The following LPAR1 variants were observed in gnomAD, a reference collection of about 807,000 sequenced individuals.
The protein encoded by LPAR1 is LPA receptor 1.
LPAR1 carries 5 observed loss-of-function variants against 23.8 expected under a neutral mutation model. The ratio of observed to expected loss-of-function variants is 0.21; its 90% CI spans 0.11 to 0.44. The LOEUF is 0.44. Among genes scored for constraint, LPAR1 ranks in the 20% least tolerant of loss-of-function variants. The probability of loss-of-function intolerance (pLI) is 0.99; values close to 1 mark genes in which losing one functional copy is unlikely to be tolerated. For synonymous variants in LPAR1, 160 were observed against 164.7 expected, an observed-to-expected ratio of 0.97 and a Z score of 0.22; for missense variants, 311 against 482.8, an observed-to-expected ratio of 0.64 and a Z score of 3.33.
chr9:110,923,633 C>T (rs1039550313), intron 5 of LPAR1, among the ~76,000 whole-genome samples: 7 of 152,200 alleles, frequency 4.6e-5, no homozygotes, highest in Admixed American at 2.6e-4. Context: ...GTAACCCCAC[C>T]GCTAAGTCAG....
intron 4 of LPAR1, among the ~76,000 whole-genome samples, chr9:110,971,318 T>C (rs1482181026): frequency 2.6e-5 from 4 of 152,096 alleles, no homozygotes; most frequent in Non-Finnish European, 4.4e-5. Context: ...TGAGGAATGA[T>C]TACATGAGAG....
At position 110,873,642 on chromosome 9, in the gene LPAR1, T is replaced by C. The variant is rs1244710257; in HGVS notation, c.*1779A>G. On this transcript the variant is annotated 3_prime_UTR_variant, in exon 6 of 6. Coordinates refer to ENST00000683809, the MANE Select transcript of LPAR1 (RefSeq NM_001351411.2). Reference sequence around the variant, plus strand: ...CAGCAAACTGATGCAACTACTAGTCTACCTGGACAACATATTAAACAGGTA... The same window carrying C: ...CAGCAAACTGATGCAACTACTAGTCCACCTGGACAACATATTAAACAGGTA... 6.6e-6 allele frequency: 1 copy of C among 152,236 alleles called. No individual in the cohort carries two copies. The highest frequency in any genetic ancestry group is 1.5e-5 in the Non-Finnish European group (1 of 68,064). 9.4% of individuals were successfully genotyped at this position (152,236 alleles called of 1,614,324 possible).
At chr9:110,926,305 A>C (rs1249436128) in intron 5 of LPAR1, among the ~76,000 whole-genome samples, 1 of 152,222 alleles carries the variant, frequency 6.6e-6, no homozygotes, top group African/African-American at 2.4e-5. Flanking sequence ...GAAGAAATTA[A>C]AGCCTATGAA....
intron 4 of LPAR1, among the ~76,000 whole-genome samples, chr9:110,951,198 C>T (rs1246287180): frequency 2.0e-5 from 3 of 151,800 alleles, no homozygotes; most frequent in East Asian, 1.9e-4. Context: ...TGAAAATACA[C>T]ATATAATAAA....
At chr9:110,925,747 A>AC (rs1447369009) in intron 5 of LPAR1, among the ~76,000 whole-genome samples, 21 of 152,334 alleles carry the variant, frequency 1.4e-4, no homozygotes, top group Admixed American at 1.1e-3. Flanking sequence ...CATTACATTC[A>AC]CCGCAGCATG....
At chr9:110,967,991 A>G (rs2096277616) in intron 4 of LPAR1, among the ~76,000 whole-genome samples, 1 of 152,196 alleles carries the variant, frequency 6.6e-6, no homozygotes, top group African/African-American at 2.4e-5. Flanking sequence ...GGCTGCCACT[A>G]TTCCCAAAAT....
chr9:110,950,366 G>A (rs1452246799), intron 4 of LPAR1, among the ~76,000 whole-genome samples: 2 of 151,496 alleles, frequency 1.3e-5, no homozygotes, highest in Admixed American at 6.6e-5. Context: ...TTGGGAGGCT[G>A]AGGCATGAGA....
chr9:110,961,636 A>G (rs1198907590), intron 4 of LPAR1, among the ~76,000 whole-genome samples: 1 of 151,146 alleles, frequency 6.6e-6, no homozygotes, highest in Non-Finnish European at 1.5e-5. Context: ...AAAAAAAAAA[A>G]AAAAGAAAGA....
intron 5 of LPAR1, among the ~76,000 whole-genome samples, chr9:110,927,513 T>G (rs2094127883): frequency 6.6e-6 from 1 of 152,128 alleles, no homozygotes; most frequent in Non-Finnish European, 1.5e-5. Flanking sequence ...TTATTATATT[T>G]TCTTTTTAGA....
intron 5 of LPAR1, among the ~76,000 whole-genome samples, chr9:110,914,560 G>A (rs751975751): frequency 8.7e-4 from 132 of 152,268 alleles, no homozygotes; most frequent in Non-Finnish European, 1.2e-3. Flanking sequence ...GATTTGGGTG[G>A]GGACCCAGCC....
At chr9:111,014,324 T>A (rs554741151) in intron 2 of LPAR1, among the ~76,000 whole-genome samples, 6 of 152,140 alleles carry the variant, frequency 3.9e-5, no homozygotes, top group Non-Finnish European at 8.8e-5. Flanking sequence ...AAGCCATCAG[T>A]GCTGCCATTT....
chr9:110,878,654 C>T (rs1271226797), intron 5 of LPAR1, among the ~76,000 whole-genome samples: 1 of 152,128 alleles, frequency 6.6e-6, no homozygotes, highest in Non-Finnish European at 1.5e-5. Context: ...TAATAGCTCC[C>T]TGCCTCCTCC....
intron 5 of LPAR1, among the ~76,000 whole-genome samples, chr9:110,904,766 ACACC>A (rs1471358924): frequency 6.6e-6 from 1 of 152,208 alleles, no homozygotes; most frequent in Non-Finnish European, 1.5e-5. Context: ...AACCTGGACC[ACACC>A]CAGTGATAAT....
At chr9:110,991,648 G>A (rs1162972163) in intron 2 of LPAR1, among the ~76,000 whole-genome samples, 1 of 152,020 alleles carries the variant, frequency 6.6e-6, no homozygotes, top group Non-Finnish European at 1.5e-5. Context: ...CACTCTTGTT[G>A]CCCAGGCTGG....
chr9:110,972,163 G>T lies in LPAR1; in HGVS notation c.-46C>A, dbSNP rs1784541737. The T allele has an allele frequency of 2.5e-6, 4 of 1,581,092 alleles. No homozygotes were observed. The highest frequency in any genetic ancestry group is 2.6e-6 in the Non-Finnish European group (3 of 1,150,152). ...TGGTGAACACGCCCCAGAACTACGG[G>T]AGACAAATTTTCTTGTTTGCTGATC... On this transcript the variant is annotated 5_prime_UTR_variant, in exon 4 of 6. Coordinates refer to ENST00000683809, the MANE Select transcript of LPAR1 (RefSeq NM_001351411.2).
chr9:111,034,177 T>C (rs2097851450), intron 2 of LPAR1, among the ~76,000 whole-genome samples: 1 of 152,254 alleles, frequency 6.6e-6, no homozygotes, highest in Non-Finnish European at 1.5e-5. Flanking sequence ...CCGAGTGTGC[T>C]ACTTGGCTTC....
chr9:110,949,895 A>T (rs2095515411), intron 4 of LPAR1, among the ~76,000 whole-genome samples: 1 of 152,184 alleles, frequency 6.6e-6, no homozygotes, highest in East Asian at 1.9e-4. Context: ...CATTTAAAAA[A>T]TGTGGTTACA....
intron 5 of LPAR1, among the ~76,000 whole-genome samples, chr9:110,917,337 G>A (rs72748157): frequency 0.1 from 15,953 of 152,062 alleles, 1,123 homozygotes; most frequent in Admixed American, 0.2. Flanking sequence ...TGACAAGAGC[G>A]AAATTCCATC....
In LPAR1 at chr9:110,963,424, G is replaced by A. The variant is rs374020015; in HGVS notation, c.45+8649C>T. The stretch of plus-strand genomic sequence containing the variant: ...CACATGCATTTATTCCTGGCAATAC[G>A]TTGGAGTTTTCCATAGAGTGTTTAT... On this transcript the variant is annotated intron_variant, in intron 4 of 5. Coordinates refer to ENST00000683809, the MANE Select transcript of LPAR1 (RefSeq NM_001351411.2). Among the ~76,000 whole-genome samples, 23 of 152,292 alleles carry A rather than the reference G, an allele frequency of 1.5e-4. No individual in the cohort carries two copies. The East Asian group carries it at 3.3e-3, about 22-fold the overall frequency.
Sources: allele counts gnomAD v4.1 joint callset (sites outside exome capture counted in the v4.1 genomes callset), GRCh38; gene constraint gnomAD v4.1.1; transcripts MANE v1.5; gene names NCBI Gene and HGNC (gene_info 2026-07-23, HGNC 2026-07-21).